The following NPAS3 variants were observed in gnomAD, a reference collection of about 807,000 sequenced individuals.
The protein encoded by NPAS3 is neuronal PAS domain protein 3, also known as neuronal PAS domain-containing protein 3.
In NPAS3, 14 loss-of-function variants were observed where a neutral mutation model predicts 73.1. The ratio of observed to expected loss-of-function variants is 0.19; its 90% CI spans 0.13 to 0.30. The LOEUF (loss-of-function observed/expected upper bound fraction) is 0.30, where lower values mean the gene tolerates loss of function less well. NPAS3 is among the 10% of genes least tolerant of loss of function. The pLI is 1.00. For missense variants in NPAS3, 1,096 were observed against 1,250.0 expected (o/e 0.88, Z 1.86); for synonymous variants, 620 against 541.5 (o/e 1.14, Z -2.01).
At chr14:33,518,495 A>C (rs996789426) in intron 4 of NPAS3, among the ~76,000 whole-genome samples, 1 of 152,210 alleles carries the variant, frequency 6.6e-6, no homozygotes, top group South Asian at 2.1e-4. Flanking sequence ...CAAGAGAAAA[A>C]GGCAAAGAGA....
At position 33,497,130 on chromosome 14, in the gene NPAS3, A is replaced by C. The variant is rs541350211; in HGVS notation, c.469-62991A>C. ...CAAAGAGAATAAAATAGCTAGGAAT[A>C]CAACTTACAAGGGATGTGAAGGACC... On this transcript the variant is annotated intron_variant, in intron 4 of 11. Coordinates refer to ENST00000356141, the Ensembl canonical transcript of NPAS3. Among the ~76,000 whole-genome samples the C allele has an allele frequency of 3.9e-5, 6 of 152,192 alleles. No individual in the cohort carries two copies. The East Asian group carries it at 7.8e-4, about 20-fold the overall frequency.
chr14:33,406,279 A>T (rs567649287), intron 4 of NPAS3, among the ~76,000 whole-genome samples: 1 of 152,266 alleles, frequency 6.6e-6, no homozygotes, highest in South Asian at 2.1e-4. Flanking sequence ...AATGGTTAAC[A>T]AATATGAGTA....
At chr14:33,444,521 A>G (rs922680224) in intron 4 of NPAS3, among the ~76,000 whole-genome samples, 8 of 152,228 alleles carry the variant, frequency 5.3e-5, no homozygotes, top group Admixed American at 2.0e-4. Context: ...AGCAAATTTT[A>G]ATGTCATTAT....
intron 4 of NPAS3, among the ~76,000 whole-genome samples, chr14:33,546,629 G>A (rs2054856655): frequency 1.3e-5 from 2 of 152,138 alleles, no homozygotes; most frequent in African/African-American, 4.8e-5. Context: ...TTGATTTTAT[G>A]TGATAGTTTT....
chr14:33,128,615 A>G (rs1345446001), intron 2 of NPAS3, among the ~76,000 whole-genome samples: 1 of 152,174 alleles, frequency 6.6e-6, no homozygotes, highest in Non-Finnish European at 1.5e-5. Flanking sequence ...AAAAAACTTC[A>G]TTGTATTCCA....
At chr14:33,056,054 A>AGCTATTCAAAAATATCCTT in intron 2 of NPAS3, 60 bp downstream of exon 2, 1 of 730,404 alleles carries the variant, frequency 1.4e-6, no homozygotes, top group African/African-American at 1.8e-5. Context: ...TGTGGTTGCC[A>AGCTATTCAAAAATATCCTT]GCTATTCAAA....
At chr14:33,797,457 C>T (rs751162378) in exon 11 of NPAS3, 2 of 1,614,076 alleles carry the variant, frequency 1.2e-6, no homozygotes, top group Non-Finnish European at 1.7e-6. Flanking sequence ...CCTTCCACAG[C>T]AATCCTGAGT....
intron 4 of NPAS3, among the ~76,000 whole-genome samples, chr14:33,513,762 G>A (rs2053170196): frequency 6.6e-6 from 1 of 151,562 alleles, no homozygotes; most frequent in Admixed American, 6.6e-5. Flanking sequence ...TGACTCCTAT[G>A]ATTTGCTGCA....
intron 3 of NPAS3, among the ~76,000 whole-genome samples, chr14:33,317,087 GA>G (rs1295210767): frequency 1.3e-5 from 2 of 152,054 alleles, no homozygotes; most frequent in Non-Finnish European, 2.9e-5. Flanking sequence ...AGGATTTAAG[GA>G]AGCCAAACAG....
intron 3 of NPAS3, among the ~76,000 whole-genome samples, chr14:33,342,531 C>T (rs1397583273): frequency 6.6e-6 from 1 of 152,208 alleles, no homozygotes; most frequent in Non-Finnish European, 1.5e-5. Flanking sequence ...GCTTTTATTT[C>T]TCTGCTCTGC....
At chr14:33,646,123 G>A (rs1359861523) in intron 5 of NPAS3, among the ~76,000 whole-genome samples, 2 of 152,114 alleles carry the variant, frequency 1.3e-5, no homozygotes, top group African/African-American at 2.4e-5. Context: ...GGTCTGCTGA[G>A]GCCTGAAGGA....
chr14:33,723,521 T>C (rs1364060055), intron 6 of NPAS3, among the ~76,000 whole-genome samples: 1 of 152,038 alleles, frequency 6.6e-6, no homozygotes. Flanking sequence ...AAGCCTCACG[T>C]CTGCCTCTTC....
intron 6 of NPAS3, among the ~76,000 whole-genome samples, chr14:33,691,898 C>T (rs2140411755): frequency 6.6e-6 from 1 of 152,258 alleles, no homozygotes; most frequent in African/African-American, 2.4e-5. Flanking sequence ...AAATTATCAC[C>T]AAGGCCCTTC....
chr14:33,442,317 G>A (rs2049287210), intron 4 of NPAS3, among the ~76,000 whole-genome samples: 1 of 152,040 alleles, frequency 6.6e-6, no homozygotes, highest in Non-Finnish European at 1.5e-5. Flanking sequence ...CCTGCCTGCA[G>A]CCTCACCTAC....
chr14:33,308,531 T>TACACACACAC (rs550021518), intron 3 of NPAS3, among the ~76,000 whole-genome samples: 32 of 115,836 alleles, frequency 2.8e-4, no homozygotes, highest in Middle Eastern at 4.1e-3. Context: ...TATATATACA[T>TACACACACAC]ACACACACAC....
chr14:33,763,281 T>G (rs2062355279), intron 7 of NPAS3, among the ~76,000 whole-genome samples: 2 of 152,236 alleles, frequency 1.3e-5, no homozygotes, highest in African/African-American at 4.8e-5. Flanking sequence ...CAGAAATTAC[T>G]CTCATTTAGG....
chr14:33,528,339 C>A (rs1025341547), intron 4 of NPAS3, among the ~76,000 whole-genome samples: 1 of 151,790 alleles, frequency 6.6e-6, no homozygotes, highest in African/African-American at 2.4e-5. Context: ...TGAGAAGCCT[C>A]ATGCCATGCT....
chr14:33,310,501 G>T (rs1566784309), intron 3 of NPAS3, among the ~76,000 whole-genome samples: 1 of 152,100 alleles, frequency 6.6e-6, no homozygotes, highest in African/African-American at 2.4e-5. Context: ...TTGGTAGCTG[G>T]CAGAAATGTT....
chr14:33,337,603 T>A (rs921991717), intron 3 of NPAS3, among the ~76,000 whole-genome samples: 3 of 152,064 alleles, frequency 2.0e-5, no homozygotes, highest in Non-Finnish European at 4.4e-5. Context: ...TTAGGATAAA[T>A]TTGTTAGTTT....
Sources: gnomAD v4.1 joint callset for allele counts (sites outside exome capture counted in the v4.1 genomes callset) on GRCh38, gnomAD v4.1.1 for gene constraint, MANE v1.5 for transcripts, NCBI Gene and HGNC (gene_info 2026-07-23, HGNC 2026-07-21) for gene names.